Variants in HSP90AA1 observed in about 807,000 individuals in gnomAD.
The protein encoded by HSP90AA1 is heat shock protein 90 alpha family class A member 1, also known as heat shock protein HSP 90-alpha.
In HSP90AA1, 18 loss-of-function variants were observed where a neutral mutation model predicts 73.3. That is an observed-to-expected ratio of 0.25 (90% CI 0.17 to 0.36). The LOEUF (loss-of-function observed/expected upper bound fraction) is 0.36. Among genes scored for constraint, HSP90AA1 ranks in the 10% least tolerant of loss-of-function variants. The pLI, the probability that HSP90AA1 is intolerant of heterozygous loss-of-function variation, is 1.00. For synonymous variants in HSP90AA1, 477 were observed against 296.9 expected (o/e 1.61, Z -6.24); for missense variants, 704 against 874.2 (o/e 0.81, Z 2.45).
intron 1 of HSP90AA1, among the ~76,000 whole-genome samples, chr14:102,119,439 A>T (rs1595676456): frequency 6.6e-6 from 1 of 152,252 alleles, no homozygotes; most frequent in South Asian, 2.1e-4. Context: ...TCTTATTCAT[A>T]ATTATTGCAT....
At chr14:102,088,794 G>A (rs546663356), upstream of HSP90AA1, among the ~76,000 whole-genome samples, 6 of 152,276 alleles carry the variant, frequency 3.9e-5, no homozygotes, top group African/African-American at 9.6e-5. Context: ...CACTGTCCCC[G>A]CTCTCCTCAC....
At position 102,086,283 on chromosome 14, in the gene HSP90AA1, C is replaced by T. The variant is rs373810935; in HGVS notation, c.96G>A (p.Leu32=). Residue 32 remains leucine, a synonymous_variant, in exon 2 of 11, where the codon TTG becomes TTA. Coordinates refer to ENST00000216281, the MANE Select transcript of HSP90AA1 (RefSeq NM_005348.4). ...FQAEIAQLMS[L]IINTFYSNKE... ...TGTTCGAGTAGAAAGTATTGATGATCAATGACATCAACTGGGCAATTTCTG... is the reference window on the plus strand; with the variant it reads ...TGTTCGAGTAGAAAGTATTGATGATTAATGACATCAACTGGGCAATTTCTG... The T allele has an allele frequency of 1.2e-6, 2 of 1,613,444 alleles. No homozygotes were observed. Among genetic ancestry groups the T allele is most frequent in the Non-Finnish European group, 1.7e-6 (2 of 1,179,378 alleles).
At chr14:102,123,732 G>A (rs1035040272) in intron 1 of HSP90AA1, among the ~76,000 whole-genome samples, 3 of 152,028 alleles carry the variant, frequency 2.0e-5, no homozygotes, top group Middle Eastern at 3.4e-3. Flanking sequence ...ATCTCAGGGG[G>A]CACCATTCAC....
intron 7 of HSP90AA1, 46 bp downstream of exon 7, chr14:102,083,747 A>C (rs1478349769): frequency 1.0e-5 from 16 of 1,595,018 alleles, no homozygotes; most frequent in Non-Finnish European, 1.4e-5. Flanking sequence ...AAAAAAAAAA[A>C]AAACTAAAGA....
intron 1 of HSP90AA1, among the ~76,000 whole-genome samples, chr14:102,111,201 A>G (rs2049637208): frequency 6.6e-6 from 1 of 152,238 alleles, no homozygotes; most frequent in South Asian, 2.1e-4. Flanking sequence ...TCTCCTGGGC[A>G]TATCAGAAGT....
intron 6 of HSP90AA1, 21 bp downstream of exon 6, chr14:102,084,378 A>AT: frequency 6.2e-7 from 1 of 1,606,412 alleles, no homozygotes; most frequent in Non-Finnish European, 8.5e-7. Flanking sequence ...GACAGTGATT[A>AT]TTTTTCCTAT....
At chr14:102,109,830 G>C (rs953313398) in intron 1 of HSP90AA1, among the ~76,000 whole-genome samples, 2 of 152,192 alleles carry the variant, frequency 1.3e-5, no homozygotes, top group Non-Finnish European at 2.9e-5. Context: ...CTTGTTGGAT[G>C]GCTTTGACCA....
intron 2 of HSP90AA1, among the ~76,000 whole-genome samples, chr14:102,099,080 CAATTAATA>C (rs1311023397): frequency 6.6e-6 from 1 of 152,138 alleles, no homozygotes; most frequent in Non-Finnish European, 1.5e-5. Context: ...GTCCCAGTCC[CAATTAATA>C]AGTTGTGGCA....
At chr14:102,108,383 C>T (rs1456935825) in intron 1 of HSP90AA1, among the ~76,000 whole-genome samples, 1 of 151,326 alleles carries the variant, frequency 6.6e-6, no homozygotes, top group African/African-American at 2.4e-5. Flanking sequence ...GCCATGGTGC[C>T]TAGCTTTGAA....
At position 102,085,380 on chromosome 14, in the gene HSP90AA1, T is replaced by G; in HGVS notation, c.581A>C (p.Gln194Pro). ...TKVILHLKED[Q>P]TEYLEERRIK... is the part of the protein sequence containing the mutation. ...TCTTCGTTCCTCCAAGTACTCAGTTTGGTCTTCTTTCAGGTGTAGGATAAC... is the reference window on the plus strand; with the variant it reads ...TCTTCGTTCCTCCAAGTACTCAGTTGGGTCTTCTTTCAGGTGTAGGATAAC... The change falls in exon 4 of 11, where the codon CAA becomes CCA. Residue 194 changes from glutamine (Q) to proline (P), a missense_variant. Physicochemically the swap from Gln to Pro is moderately conservative, Grantham distance 76. Transcript: ENST00000216281. 6.2e-7 allele frequency: 1 copy of G among 1,613,652 alleles called. No individual in the cohort carries two copies. The highest frequency in any genetic ancestry group is 8.5e-7 in the Non-Finnish European group (1 of 1,179,532).
intron 1 of HSP90AA1, among the ~76,000 whole-genome samples, chr14:102,118,696 TGA>T (rs929875745): frequency 6.6e-6 from 1 of 152,158 alleles, no homozygotes; most frequent in Admixed American, 6.6e-5. Flanking sequence ...TAGGTGTATT[TGA>T]GTTTGTTTCT....
At chr14:102,111,577 C>G (rs2049643175) in intron 1 of HSP90AA1, among the ~76,000 whole-genome samples, 1 of 152,222 alleles carries the variant, frequency 6.6e-6, no homozygotes, top group South Asian at 2.1e-4. Context: ...CATATCCTTT[C>G]ACAGCTTCTT....
chr14:102,118,415 T>G (rs2049734905), intron 1 of HSP90AA1, among the ~76,000 whole-genome samples: 1 of 148,666 alleles, frequency 6.7e-6, no homozygotes, highest in African/African-American at 2.4e-5. Context: ...TATTACTTAT[T>G]TTTTTTTTTA....
chr14:102,087,845 A>AT (rs1210246910), upstream of HSP90AA1, among the ~76,000 whole-genome samples: 1 of 149,442 alleles, frequency 6.7e-6, no homozygotes, highest in African/African-American at 2.5e-5. Flanking sequence ...ACCCGGCATG[A>AT]TTTTGAAAAG....
chr14:102,119,102 T>G (rs2049743317), intron 1 of HSP90AA1, among the ~76,000 whole-genome samples: 1 of 151,890 alleles, frequency 6.6e-6, no homozygotes, highest in African/African-American at 2.4e-5. Context: ...CGATCCACCC[T>G]CCTCGCCTCC....
chr14:102,093,022 G>A (rs2152616972), intron 2 of HSP90AA1, among the ~76,000 whole-genome samples: 1 of 152,072 alleles, frequency 6.6e-6, no homozygotes, highest in East Asian at 1.9e-4. Flanking sequence ...TGGGGTTACG[G>A]GCGTGAACCA....
chr14:102,139,330 C>G (rs1291125614), exon 1 of HSP90AA1: 1 of 1,613,288 alleles, frequency 6.2e-7, no homozygotes, highest in Non-Finnish European at 8.5e-7. Flanking sequence ...ATTCAGCACT[C>G]TGGGCGGGAC....
At chr14:102,085,547 G>A (rs1471419219) in intron 3 of HSP90AA1, 116 bp from the exon 4 acceptor site, 2 of 1,224,484 alleles carry the variant, frequency 1.6e-6, no homozygotes, top group Non-Finnish European at 2.4e-6. Context: ...CAGATGCAAA[G>A]GCCACCACAG....
chr14:102,100,561 G>C (rs1374855970), intron 2 of HSP90AA1, among the ~76,000 whole-genome samples: 1 of 152,076 alleles, frequency 6.6e-6, no homozygotes, highest in African/African-American at 2.4e-5. Flanking sequence ...GAGTAGTTGG[G>C]ATTACAGGCA....
Sources: allele counts gnomAD v4.1 joint callset (sites outside exome capture counted in the v4.1 genomes callset), GRCh38; gene constraint gnomAD v4.1.1; transcripts MANE v1.5; gene names NCBI Gene and HGNC (gene_info 2026-07-23, HGNC 2026-07-21).